Variants in SPOCK1 observed in about 807,000 individuals in gnomAD.
SPOCK1 encodes testican-1.
SPOCK1 carries 23 observed loss-of-function variants against 55.3 expected under a neutral mutation model. That is an observed-to-expected ratio of 0.42 (90% CI 0.30 to 0.59). SPOCK1 has a LOEUF of 0.59. Among genes scored for constraint, SPOCK1 ranks in the 20% least tolerant of loss-of-function variants. SPOCK1 has a pLI of 0.22. For synonymous variants in SPOCK1, 226 were observed against 221.0 expected (o/e 1.02, Z -0.20); for missense variants, 499 against 552.5 (o/e 0.90, Z 0.97).
chr5:137,132,801 G>T (rs916871676), intron 4 of SPOCK1, among the ~76,000 whole-genome samples: 6 of 152,060 alleles, frequency 3.9e-5, no homozygotes, highest in Non-Finnish European at 5.9e-5. Flanking sequence ...GTTGTTTTTT[G>T]TTGTTGTTGT....
intron 6 of SPOCK1, among the ~76,000 whole-genome samples, chr5:137,016,455 A>T (rs1194901467): frequency 6.6e-6 from 1 of 152,238 alleles, no homozygotes; most frequent in African/African-American, 2.4e-5. Flanking sequence ...TCATAAGTTG[A>T]AATTCAAATG....
intron 2 of SPOCK1, among the ~76,000 whole-genome samples, chr5:137,474,864 A>T (rs1038285848): frequency 1.3e-5 from 2 of 152,228 alleles, no homozygotes; most frequent in Non-Finnish European, 2.9e-5. Context: ...TAGCAAAAAA[A>T]TATGGGTAAT....
At chr5:137,402,066 AG>A (rs1298646024) in intron 2 of SPOCK1, among the ~76,000 whole-genome samples, 10 of 152,312 alleles carry the variant, frequency 6.6e-5, no homozygotes, top group Admixed American at 6.5e-4. Flanking sequence ...CTCCCTCTCA[AG>A]GAGCAACAAG....
intron 3 of SPOCK1, among the ~76,000 whole-genome samples, chr5:137,229,135 A>G (rs553431857): frequency 1.8e-4 from 27 of 152,304 alleles, no homozygotes; most frequent in African/African-American, 5.8e-4. Context: ...ACCTATCTTG[A>G]CTGGGATACA....
intron 2 of SPOCK1, among the ~76,000 whole-genome samples, chr5:137,332,950 T>C (rs1328621299): frequency 6.6e-6 from 1 of 152,128 alleles, no homozygotes; most frequent in African/African-American, 2.4e-5. Flanking sequence ...AAAATGGACT[T>C]CAGTCAAACT....
At chr5:137,424,358 G>T (rs544188931) in intron 2 of SPOCK1, among the ~76,000 whole-genome samples, 1 of 152,308 alleles carries the variant, frequency 6.6e-6, no homozygotes, top group South Asian at 2.1e-4. Flanking sequence ...TCCAGCCTGG[G>T]TGACAGAGCA....
intron 2 of SPOCK1, among the ~76,000 whole-genome samples, chr5:137,351,453 C>T (rs1295218673): frequency 6.6e-6 from 1 of 152,186 alleles, no homozygotes; most frequent in Non-Finnish European, 1.5e-5. Flanking sequence ...TCCTGAAAAC[C>T]ACAATCCGCT....
intron 3 of SPOCK1, among the ~76,000 whole-genome samples, chr5:137,171,816 T>C (rs1754759357): frequency 1.3e-5 from 2 of 152,334 alleles, no homozygotes; most frequent in South Asian, 4.1e-4. Flanking sequence ...TTGCCATTCA[T>C]ATCTGAGAGG....
chr5:137,178,100 T>C lies in SPOCK1; in HGVS notation c.233-37406A>G, dbSNP rs190259598. On this transcript the variant is annotated intron_variant, in intron 3 of 10. Coordinates refer to ENST00000394945, the MANE Select transcript of SPOCK1 (RefSeq NM_004598.4). ...ATTTCACCCCTAGCCCATCTCACCATCCAGATCAATGCAAGTGACACTTCC... is the reference window on the plus strand; with the variant it reads ...ATTTCACCCCTAGCCCATCTCACCACCCAGATCAATGCAAGTGACACTTCC... Among the ~76,000 whole-genome samples the C allele has an allele frequency of 2.4e-3, 360 of 152,312 alleles. 10 individuals carry two copies. The highest frequency in any genetic ancestry group is 0.01 in the Middle Eastern group (3 of 294).
At chr5:137,452,399 G>C (rs148619738) in intron 2 of SPOCK1, among the ~76,000 whole-genome samples, 142 of 152,238 alleles carry the variant, frequency 9.3e-4, no homozygotes, top group African/African-American at 3.3e-3. Flanking sequence ...CATTTTGAAA[G>C]GGCGGGGCTT....
intron 2 of SPOCK1, among the ~76,000 whole-genome samples, chr5:137,497,144 C>T (rs752111991): frequency 1.2e-4 from 19 of 152,222 alleles, no homozygotes; most frequent in Non-Finnish European, 2.4e-4. Context: ...CCTGCAGATA[C>T]TGAGAGCAGA....
chr5:136,994,918 T>C (rs1751013263), intron 6 of SPOCK1, among the ~76,000 whole-genome samples: 1 of 151,974 alleles, frequency 6.6e-6, no homozygotes. Context: ...CACAGGAGAA[T>C]CGCTTGAACC....
At chr5:137,382,812 G>A (rs1033841771) in intron 2 of SPOCK1, among the ~76,000 whole-genome samples, 1 of 152,130 alleles carries the variant, frequency 6.6e-6, no homozygotes, top group African/African-American at 2.4e-5. Context: ...ATGCCCAGGA[G>A]GACAGAGCAT....
At chr5:137,146,755 G>A (rs969724110) in intron 3 of SPOCK1, among the ~76,000 whole-genome samples, 11 of 152,196 alleles carry the variant, frequency 7.2e-5, no homozygotes, top group Admixed American at 3.9e-4. Context: ...AGAGAAGAAT[G>A]GCAGCTTGGA....
At chr5:137,493,122 T>C (rs1754222927) in intron 2 of SPOCK1, among the ~76,000 whole-genome samples, 1 of 152,254 alleles carries the variant, frequency 6.6e-6, no homozygotes, top group Non-Finnish European at 1.5e-5. Context: ...CTGGGTCTTA[T>C]GAATTTTCCA....
intron 2 of SPOCK1, among the ~76,000 whole-genome samples, chr5:137,385,065 C>A (rs1471554092): frequency 6.6e-6 from 1 of 152,116 alleles, no homozygotes; most frequent in African/African-American, 2.4e-5. Flanking sequence ...CAGTATCAGG[C>A]ACATTGTAAA....
In SPOCK1 at chr5:137,147,942, T is replaced by C. The variant is rs1399382965; in HGVS notation, c.233-7248A>G. 2.6e-5 allele frequency among the ~76,000 whole-genome samples: 4 copies of C among 152,296 alleles called. 1 individual carries two copies. The East Asian group carries it at 7.7e-4, about 29-fold the overall frequency. On this transcript the variant is annotated intron_variant, in intron 3 of 10. Transcript: ENST00000394945. ...AGAAAACCAATTTGAAACGGTAAAGTAACTTCCCAGCACCATAAAGCCTTA... is the reference window on the plus strand; with the variant it reads ...AGAAAACCAATTTGAAACGGTAAAGCAACTTCCCAGCACCATAAAGCCTTA...
chr5:136,981,182 A>C (rs1487007163), intron 9 of SPOCK1, among the ~76,000 whole-genome samples: 1 of 152,154 alleles, frequency 6.6e-6, no homozygotes, highest in African/African-American at 2.4e-5. Context: ...CCTCCAGCTA[A>C]TTCTGGTATA....
At chr5:137,164,127 T>C (rs1320198423) in intron 3 of SPOCK1, among the ~76,000 whole-genome samples, 1 of 152,198 alleles carries the variant, frequency 6.6e-6, no homozygotes. Flanking sequence ...CTCCACTAGA[T>C]TAAATTTTGT....
Sources: gnomAD v4.1 joint callset for allele counts (sites outside exome capture counted in the v4.1 genomes callset) on GRCh38, gnomAD v4.1.1 for gene constraint, MANE v1.5 for transcripts, NCBI Gene and HGNC (gene_info 2026-07-23, HGNC 2026-07-21) for gene names.